SCIN: variants seen among roughly 807,000 people sequenced by gnomAD.
The protein encoded by SCIN is scinderin, also known as adseverin.
SCIN carries 91 observed loss-of-function variants against 91.8 expected under a neutral mutation model. The observed-to-expected ratio is 0.99, with a 90% CI of 0.84 to 1.18. The LOEUF is 1.18. Ranked by LOEUF, SCIN falls within the 50% of genes most tolerant of loss-of-function variation. The probability of loss-of-function intolerance (pLI) is 0.00; values close to 1 mark genes in which losing one functional copy is unlikely to be tolerated. For missense variants in SCIN, 1,087 were observed against 863.9 expected, an observed-to-expected ratio of 1.26 and a Z score of -3.24; for synonymous variants, 367 against 312.6, an observed-to-expected ratio of 1.17 and a Z score of -1.84.
chr7:12,650,521 A>T (rs572594666), intron 14 of SCIN, among the ~76,000 whole-genome samples: 1 of 152,244 alleles, frequency 6.6e-6, no homozygotes, highest in East Asian at 1.9e-4. Context: ...TTACATTACC[A>T]TGCTTTCATG....
intron 4 of SCIN, among the ~76,000 whole-genome samples, chr7:12,622,329 C>T (rs1255147843): frequency 6.6e-6 from 1 of 152,094 alleles, no homozygotes; most frequent in African/African-American, 2.4e-5. Flanking sequence ...TGATCAAGAG[C>T]TTGCACTTCA....
rs549108543 is a variant in SCIN, at chr7:12,581,008, C to T, written c.355-52C>T. The T allele has an allele frequency of 3.9e-6, 6 of 1,525,616 alleles. No individual in the cohort carries two copies. The South Asian group carries it at 7.3e-5, about 19-fold the overall frequency. 94.5% of individuals were successfully genotyped at this position (1,525,616 alleles called of 1,614,324 possible). On this transcript the variant is annotated intron_variant, in intron 2 of 15. Coordinates refer to ENST00000297029, the MANE Select transcript of SCIN (RefSeq NM_001112706.3). ...TGCTTTGCTTTGTCTAGGCAGACAC[C>T]TCATCAGTTTTCTCTTTGTTTTTTG...
Position 12,625,821 on chromosome 7 carries a change from C to T in SCIN, c.952C>T (p.Gln318Ter). ...AATGAAGACAGCTGAAGAATTTCTA[C>T]AGCAAATGAATTATTCCAAGAATAC... ...AAMKTAEEFLQQMNYSKNTQI... is the reference protein window; with the variant it reads ...AAMKTAEEFL The change falls in exon 7 of 16, where the codon CAG becomes TAG. Residue 318 changes from glutamine (Q) to a stop codon, truncating the protein, a stop_gained. Coordinates refer to ENST00000297029, the MANE Select transcript of SCIN (RefSeq NM_001112706.3). LOFTEE classifies it high-confidence loss of function. The T allele has an allele frequency of 1.2e-6, 2 of 1,612,162 alleles. No individual in the cohort carries two copies. The highest frequency in any genetic ancestry group is 1.7e-6 in the Non-Finnish European group (2 of 1,178,608).
intron 10 of SCIN, among the ~76,000 whole-genome samples, chr7:12,637,246 C>G (rs1472001496): frequency 1.3e-5 from 2 of 152,072 alleles, no homozygotes; most frequent in Non-Finnish European, 2.9e-5. Context: ...ATTAACAATT[C>G]GAATTAATAG....
intron 3 of SCIN, among the ~76,000 whole-genome samples, chr7:12,586,623 G>A (rs536331772): frequency 1.4e-4 from 21 of 152,206 alleles, no homozygotes; most frequent in Admixed American, 2.0e-4. Context: ...AAAGGGATAC[G>A]CATGCCCCTA....
In SCIN at chr7:12,620,284, T is replaced by C. The variant is rs542324696; in HGVS notation, c.667-2517T>C. Among the ~76,000 whole-genome samples, 9 of 152,240 alleles carry C rather than the reference T, an allele frequency of 5.9e-5. No homozygotes were observed. The South Asian group carries it at 1.9e-3, about 32-fold the overall frequency. On this transcript the variant is annotated intron_variant, in intron 4 of 15. Coordinates refer to ENST00000297029, the MANE Select transcript of SCIN (RefSeq NM_001112706.3). ...ATTAATAACTGTAACCATCATACTATACTTTGTCTCCAGAACTTATTTATC... is the reference window on the plus strand; with the variant it reads ...ATTAATAACTGTAACCATCATACTACACTTTGTCTCCAGAACTTATTTATC...
At chr7:12,616,132 A>G (rs1310918978) in intron 4 of SCIN, among the ~76,000 whole-genome samples, 11 of 152,090 alleles carry the variant, frequency 7.2e-5, no homozygotes, top group Non-Finnish European at 1.6e-4. Flanking sequence ...TTAGAGTACC[A>G]GAGGGTAATC....
At chr7:12,636,000 TA>T in intron 9 of SCIN, 44 bp from the exon 10 acceptor site, 1 of 1,474,662 alleles carries the variant, frequency 6.8e-7, no homozygotes. Flanking sequence ...GTGACGATCT[TA>T]AAACTTAAAG....
chr7:12,571,711 ATTAT>A, intron 1 of SCIN: 1 of 257,604 alleles, frequency 3.9e-6, no homozygotes, highest in South Asian at 3.9e-5. Flanking sequence ...CTTTATTGTT[ATTAT>A]TTATTATTTA....
At chr7:12,589,910 T>C (rs748846813) in intron 3 of SCIN, among the ~76,000 whole-genome samples, 71 of 152,308 alleles carry the variant, frequency 4.7e-4, no homozygotes, top group Non-Finnish European at 9.1e-4. Flanking sequence ...CTGGCTCTAA[T>C]GCTCTCCAGT....
At chr7:12,588,055 A>T (rs914272041) in intron 3 of SCIN, among the ~76,000 whole-genome samples, 1 of 152,206 alleles carries the variant, frequency 6.6e-6, no homozygotes, top group Non-Finnish European at 1.5e-5. Context: ...TTACTTAAAA[A>T]TGCTTATTTT....
intron 3 of SCIN, among the ~76,000 whole-genome samples, chr7:12,601,716 A>G (rs1782961968): frequency 1.3e-5 from 2 of 152,230 alleles, no homozygotes; most frequent in South Asian, 2.1e-4. Context: ...CTGCATATGC[A>G]TGCCCTCTGA....
At chr7:12,626,275 T>C (rs985671030) in intron 7 of SCIN, 1 of 352,894 alleles carries the variant, frequency 2.8e-6, no homozygotes, top group Non-Finnish European at 5.1e-6. Context: ...TCCTCATTTT[T>C]ATGTCCCTGC....
chr7:12,636,551 A>G (rs991195224), intron 10 of SCIN, among the ~76,000 whole-genome samples: 1 of 152,154 alleles, frequency 6.6e-6, no homozygotes, highest in Non-Finnish European at 1.5e-5. Context: ...AAAGCAAAGG[A>G]GAATTAAGGT....
At chr7:12,602,852 G>T (rs1045021867) in intron 3 of SCIN, among the ~76,000 whole-genome samples, 4 of 152,102 alleles carry the variant, frequency 2.6e-5, no homozygotes, top group South Asian at 2.1e-4. Context: ...CAATCAATTT[G>T]TACAGTTAAC....
rs985379028 is a variant in SCIN at position 12,651,450 on chromosome 7, G to T, written c.1960-391G>T. Among the ~76,000 whole-genome samples the T allele has an allele frequency of 6.6e-6, 1 of 152,048 alleles. No homozygotes were observed. Among genetic ancestry groups the T allele is most frequent in the Non-Finnish European group, 1.5e-5 (1 of 68,032 alleles). On this transcript the variant is annotated intron_variant, in intron 14 of 15. Coordinates refer to ENST00000297029, the MANE Select transcript of SCIN (RefSeq NM_001112706.3). This position sits in a 1 kb window ranked among gnomAD's most constrained non-coding sequence, Gnocchi z 5.9. ...CCTCTGAACAGCCATCTCGAAATAT[G>T]TCAAAGAAGTGTATTCGGAGGTGAA...
rs1222909932 is a variant in SCIN at position 12,596,680 on chromosome 7, T to C, written c.517-7834T>C. On this transcript the variant is annotated intron_variant, in intron 3 of 15. Coordinates refer to ENST00000297029, the MANE Select transcript of SCIN (RefSeq NM_001112706.3). ...GAAATGCTTTTTGTTAAAGTATGAC[T>C]GTAAGCTTTTTTTTTTTTGGTTTGG... 1.8e-4 allele frequency among the ~76,000 whole-genome samples: 15 copies of C among 85,230 alleles called. No homozygotes were observed. The Admixed American group carries it at 2.0e-3, about 12-fold the overall frequency. 55.9% of individuals were successfully genotyped at this position (85,230 alleles called of 152,430 possible).
intron 14 of SCIN, among the ~76,000 whole-genome samples, chr7:12,649,897 C>T (rs528727768): frequency 2.6e-5 from 4 of 152,176 alleles, no homozygotes; most frequent in Non-Finnish European, 4.4e-5. Context: ...TTGAGGAAAC[C>T]GACATATTCA....
chr7:12,637,465 A>G (rs1418786322), intron 10 of SCIN, among the ~76,000 whole-genome samples: 1 of 152,000 alleles, frequency 6.6e-6, no homozygotes, highest in East Asian at 1.9e-4. Flanking sequence ...CAGAAATGGG[A>G]GGGACAAAGA....
Sources: allele counts gnomAD v4.1 joint callset (sites outside exome capture counted in the v4.1 genomes callset), GRCh38; gene constraint gnomAD v4.1.1; non-coding constraint Gnocchi (gnomAD v3.1); transcripts MANE v1.5; gene names NCBI Gene and HGNC (gene_info 2026-07-23, HGNC 2026-07-21).